EPS8: variants seen among roughly 807,000 people sequenced by gnomAD.
EPS8 encodes the protein EGFR pathway substrate 8, signaling adaptor.
Under a neutral mutation model 103.8 loss-of-function variants are expected in EPS8, and 42 were observed. The ratio of observed to expected loss-of-function variants is 0.40; its 90% CI spans 0.32 to 0.52. EPS8 has a LOEUF of 0.52. EPS8 is among the 20% of genes least tolerant of loss of function. EPS8 has a pLI of 0.40. For synonymous variants in EPS8, 344 were observed against 344.6 expected (o/e 1.00, Z 0.02); for missense variants, 969 against 1,005.1 (o/e 0.96, Z 0.49).
At chr12:15,770,309 A>T (rs1348697400) in intron 1 of EPS8, among the ~76,000 whole-genome samples, 4 of 149,808 alleles carry the variant, frequency 2.7e-5, no homozygotes, top group Non-Finnish European at 5.9e-5. Context: ...AAAAAAGAAG[A>T]AGAAGGGAAA....
chr12:15,621,505 G>T, intron 20 of EPS8, 75 bp from the exon 21 acceptor site: 2 of 758,332 alleles, frequency 2.6e-6, no homozygotes, highest in Non-Finnish European at 2.1e-6. Context: ...AATGGCTCAG[G>T]ATAAAATTCT....
intron 3 of EPS8, among the ~76,000 whole-genome samples, chr12:15,672,175 G>A (rs1945828665): frequency 6.6e-6 from 1 of 152,034 alleles, no homozygotes; most frequent in Non-Finnish European, 1.5e-5. Flanking sequence ...TGTTTGGAAA[G>A]TTCTGCTGAA....
chr12:15,682,902 G>A lies in EPS8; in HGVS notation c.50C>T (p.Ser17Phe). Residue 17 changes from serine to phenylalanine, a missense_variant, in exon 2 of 21, where the codon TCT (serine) becomes TTT (phenylalanine). Ser to Phe is a radical substitution (Grantham distance 155). Coordinates refer to ENST00000281172, the MANE Select transcript of EPS8 (RefSeq NM_004447.6). ...NHPSSFGMYP[S>F]QMNGYGSSPT... is the part of the protein sequence containing the mutation. ...AAACTTTTCAACTTACTTCATCTGA[G>A]ATGGGTACATTCCAAAACTACTGGG... 6.5e-7 allele frequency: 1 copy of A among 1,531,674 alleles called. No homozygotes were observed. 94.9% of individuals were successfully genotyped at this position (1,531,674 alleles called of 1,614,324 possible).
chr12:15,693,909 G>A lies in EPS8; in HGVS notation c.-21-10937C>T, dbSNP rs1184516047. ...GGCCTGTCAGATGGAGGTGGGGCAA[G>A]AGGAGGGAGAGCATCAGGACAAATA... On this transcript the variant is annotated intron_variant, in intron 1 of 20. Coordinates refer to ENST00000281172, the MANE Select transcript of EPS8 (RefSeq NM_004447.6). This position sits in a 1 kb window ranked among gnomAD's most constrained non-coding sequence, Gnocchi z 5.6. Among the ~76,000 whole-genome samples, 1 of 152,206 alleles carries A rather than the reference G, an allele frequency of 6.6e-6. No individual in the cohort carries two copies. Among genetic ancestry groups the A allele is most frequent in the African/African-American group, 2.4e-5 (1 of 41,456 alleles).
Position 15,731,892 on chromosome 12 carries a change from T to TA in EPS8, c.-21-48921_-21-48920insT, listed in dbSNP as rs1946720641. On this transcript the variant is annotated intron_variant, in intron 1 of 20. Coordinates refer to ENST00000281172, the MANE Select transcript of EPS8 (RefSeq NM_004447.6). This position sits in a 1 kb window ranked among gnomAD's most constrained non-coding sequence, Gnocchi z 5.1. ...GTGTAGGCAAAAGGAAGCTGGGTGG[T>TA]TAATCACTATATATATCTGTTCCTT... is the stretch of plus-strand genomic sequence containing the variant. Among the ~76,000 whole-genome samples the TA allele has an allele frequency of 6.6e-6, 1 of 152,020 alleles. No homozygotes were observed. The highest frequency in any genetic ancestry group is 1.5e-5 in the Non-Finnish European group (1 of 68,006).
chr12:15,737,893 T>C (rs1287540274), intron 1 of EPS8, among the ~76,000 whole-genome samples: 2 of 152,106 alleles, frequency 1.3e-5, no homozygotes, highest in Non-Finnish European at 1.5e-5. Context: ...TGCTCTATAT[T>C]CCTCAGGTGT....
At chr12:15,699,767 T>C (rs561170185) in intron 1 of EPS8, among the ~76,000 whole-genome samples, 9 of 152,320 alleles carry the variant, frequency 5.9e-5, no homozygotes, top group African/African-American at 2.2e-4. Flanking sequence ...CTGACCCAAC[T>C]TTAAGTGTCT....
At position 15,727,642 on chromosome 12, in the gene EPS8, G is replaced by A. The variant is rs902496334; in HGVS notation, c.-21-44670C>T. 1.3e-5 allele frequency among the ~76,000 whole-genome samples: 2 copies of A among 152,108 alleles called. No individual in the cohort carries two copies. The highest frequency in any genetic ancestry group is 4.8e-5 in the African/African-American group (2 of 41,424). On this transcript the variant is annotated intron_variant, in intron 1 of 20. Coordinates refer to ENST00000281172, the MANE Select transcript of EPS8 (RefSeq NM_004447.6). This position sits in a 1 kb window ranked among gnomAD's most constrained non-coding sequence, Gnocchi z 4.3. ...TGGGAGGCCGAGGTGGGCGGATCACGAGGTCAGGAGTTCGAGACCAGCCTG... is the reference window on the plus strand; with the variant it reads ...TGGGAGGCCGAGGTGGGCGGATCACAAGGTCAGGAGTTCGAGACCAGCCTG...
chr12:15,737,302 G>C (rs1471003226), intron 1 of EPS8, among the ~76,000 whole-genome samples: 2 of 152,102 alleles, frequency 1.3e-5, no homozygotes. Context: ...AGACACTTTA[G>C]TTCAGAAAGG....
At chr12:15,663,291 C>T (rs757054856) in intron 8 of EPS8, among the ~76,000 whole-genome samples, 1 of 152,112 alleles carries the variant, frequency 6.6e-6, no homozygotes, top group South Asian at 2.1e-4. Context: ...TGAAACACGA[C>T]TAGGAACCCT....
chr12:15,739,610 C>T (rs1287206007), intron 1 of EPS8, among the ~76,000 whole-genome samples: 1 of 151,578 alleles, frequency 6.6e-6, no homozygotes, highest in East Asian at 1.9e-4. Context: ...GTTTTTGGAC[C>T]CTGAGACTCA....
rs1258535302 is a variant in EPS8, at chr12:15,714,502, C to A, written c.-21-31530G>T. Among the ~76,000 whole-genome samples, 2 of 152,024 alleles carry A rather than the reference C, an allele frequency of 1.3e-5. No individual in the cohort carries two copies. Among genetic ancestry groups the A allele is most frequent in the Non-Finnish European group, 2.9e-5 (2 of 68,000 alleles). On this transcript the variant is annotated intron_variant, in intron 1 of 20. Transcript: ENST00000281172. This position sits in a 1 kb window ranked among gnomAD's most constrained non-coding sequence, Gnocchi z 4.1. Reference sequence around the variant, plus strand: ...ACAAAAAATTCAGCAATCAGCCAAGCATGGTGGTACACACCAGCAGTCCTA... The same window carrying A: ...ACAAAAAATTCAGCAATCAGCCAAGAATGGTGGTACACACCAGCAGTCCTA...
intron 3 of EPS8, among the ~76,000 whole-genome samples, chr12:15,673,073 C>G (rs1047812453): frequency 2.6e-5 from 4 of 152,112 alleles, no homozygotes; most frequent in African/African-American, 9.7e-5. Context: ...CCATAGTTTC[C>G]CAATCCCACA....
intron 3 of EPS8, among the ~76,000 whole-genome samples, chr12:15,677,462 T>G (rs1016914416): frequency 1.3e-5 from 2 of 152,166 alleles, no homozygotes; most frequent in African/African-American, 4.8e-5. Flanking sequence ...AGACAGAGTA[T>G]CTAGACTGTG....
intron 13 of EPS8, 53 bp from the exon 14 acceptor site, chr12:15,651,059 G>T: frequency 7.1e-7 from 1 of 1,405,466 alleles, no homozygotes; most frequent in Non-Finnish European, 9.9e-7. Context: ...ATGTATCCAT[G>T]CTCACAGTTA....
At chr12:15,744,911 C>G (rs1946860598) in intron 1 of EPS8, among the ~76,000 whole-genome samples, 1 of 152,100 alleles carries the variant, frequency 6.6e-6, no homozygotes, top group Admixed American at 6.5e-5. Context: ...GACTCTCGCT[C>G]TGTCACCAGG....
In EPS8 at chr12:15,676,065, G is replaced by A. The variant is rs190944315; in HGVS notation, c.137-5142C>T. Among the ~76,000 whole-genome samples the A allele has an allele frequency of 1.8e-3, 271 of 152,116 alleles. 1 individual carries two copies. The highest frequency in any genetic ancestry group is 3.4e-3 in the Middle Eastern group (1 of 294). ...AGGCGGGCAGATCTCAAGGTCAGGAGATCGAGACCATCCTGGCTAACACGG... is the reference window on the plus strand; with the variant it reads ...AGGCGGGCAGATCTCAAGGTCAGGAAATCGAGACCATCCTGGCTAACACGG... On this transcript the variant is annotated intron_variant, in intron 3 of 20. Coordinates refer to ENST00000281172, the MANE Select transcript of EPS8 (RefSeq NM_004447.6).
Position 15,751,337 on chromosome 12 carries a change from G to A in EPS8, c.-22+37824C>T, listed in dbSNP as rs948402913. Among the ~76,000 whole-genome samples the A allele has an allele frequency of 2.0e-4, 30 of 152,048 alleles. No homozygotes were observed. The highest frequency in any genetic ancestry group is 5.3e-4 in the African/African-American group (22 of 41,366). The stretch of plus-strand genomic sequence containing the variant: ...CACGCCACTGCACTCCAGCCTGGGC[G>A]ACAGAGTGAGACTCCATCTCAACAA... On this transcript the variant is annotated intron_variant, in intron 1 of 20. Coordinates refer to ENST00000281172, the MANE Select transcript of EPS8 (RefSeq NM_004447.6). This position sits in a 1 kb window ranked among gnomAD's most constrained non-coding sequence, Gnocchi z 4.3.
intron 4 of EPS8, among the ~76,000 whole-genome samples, chr12:15,670,205 C>T (rs923274038): frequency 7.2e-5 from 11 of 152,122 alleles, no homozygotes; most frequent in South Asian, 4.1e-4. Flanking sequence ...AAACAGCAGG[C>T]TATCTGTATG....
Sources: gnomAD v4.1 joint callset for allele counts (sites outside exome capture counted in the v4.1 genomes callset) on GRCh38, gnomAD v4.1.1 for gene constraint, Gnocchi (gnomAD v3.1) non-coding constraint, MANE v1.5 for transcripts, NCBI Gene and HGNC (gene_info 2026-07-23, HGNC 2026-07-21) for gene names.